NCOA6: variants seen among roughly 807,000 people sequenced by gnomAD.
NCOA6 encodes NRC RAP250.
In NCOA6, 49 loss-of-function variants were observed where a neutral mutation model predicts 171.4. The ratio of observed to expected loss-of-function variants is 0.29; its 90% CI spans 0.23 to 0.36. The LOEUF (loss-of-function observed/expected upper bound fraction) is 0.36, where lower values mean the gene tolerates loss of function less well. NCOA6 is among the 10% of genes least tolerant of loss of function. NCOA6 has a pLI of 1.00. For missense variants in NCOA6, 2,248 were observed against 2,554.5 expected (o/e 0.88, Z 2.59); for synonymous variants, 910 against 927.5 (o/e 0.98, Z 0.34).
rs986541002 is a variant in NCOA6, at chr20:34,725,050, A to T, written c.6148+2209T>A. Among the ~76,000 whole-genome samples, 28 of 152,212 alleles carry T rather than the reference A, an allele frequency of 1.8e-4. No individual in the cohort carries two copies. The East Asian group carries it at 5.2e-3, about 28-fold the overall frequency. On this transcript the variant is annotated intron_variant, in intron 14 of 14. Coordinates refer to ENST00000359003, the MANE Select transcript of NCOA6 (RefSeq NM_014071.5). ...GTGATTTACCTGCCTCGGCCTCCCA[A>T]AGTGCTGGGATTACAGGCGTGAGCC...
chr20:34,747,822 G>A (rs2076352820), intron 9 of NCOA6, among the ~76,000 whole-genome samples: 2 of 152,134 alleles, frequency 1.3e-5, no homozygotes, highest in African/African-American at 4.8e-5. Context: ...CTCCTTGTAA[G>A]ACTTCTCTCT....
At chr20:34,790,899 C>A (rs2077859399) in intron 2 of NCOA6, among the ~76,000 whole-genome samples, 1 of 152,164 alleles carries the variant, frequency 6.6e-6, no homozygotes. Flanking sequence ...GATACACCCG[C>A]CTCAGCCTCC....
At chr20:34,736,409 A>C (rs1028777109) in intron 12 of NCOA6, among the ~76,000 whole-genome samples, 5 of 152,064 alleles carry the variant, frequency 3.3e-5, no homozygotes, top group Non-Finnish European at 7.4e-5. Context: ...TGCAACAGAA[A>C]CCCATGGCTG....
intron 13 of NCOA6, among the ~76,000 whole-genome samples, chr20:34,728,182 C>A (rs538943148): frequency 6.6e-6 from 1 of 152,252 alleles, no homozygotes; most frequent in African/African-American, 2.4e-5. Flanking sequence ...CATATATTGG[C>A]ATTTACTAAT....
rs1202207218 is a variant in NCOA6, at chr20:34,740,539, G to C, written c.5717C>G (p.Pro1906Arg). The C allele has an allele frequency of 1.2e-6, 2 of 1,614,200 alleles. No homozygotes were observed. The highest frequency in any genetic ancestry group is 2.2e-5 in the East Asian group (1 of 44,882). Residue 1906 changes from proline (P) to arginine (R), a missense_variant, in exon 11 of 15, where the codon CCT (proline) becomes CGT (arginine). Around this residue, in one of 7 missense-constraint regions of NCOA6, gnomAD observed 884 missense variants for 941.9 expected, o/e 0.94. Transcript: ENST00000359003. ...PGTASAGPSLPGGALPTSVRS... is the reference protein window; with the variant it reads ...PGTASAGPSLRGGALPTSVRS... ...TACACTGGTGGGGAGAGCACCGCCA[G>C]GTAAGCTGGGTCCTGCTGAGGCAGT...
chr20:34,748,310 A>G (rs1033625183), intron 9 of NCOA6, among the ~76,000 whole-genome samples: 1 of 152,254 alleles, frequency 6.6e-6, no homozygotes, highest in African/African-American at 2.4e-5. Context: ...ATAGGTTATC[A>G]TTAATAATAC....
At chr20:34,731,652 A>G (rs2075782991) in intron 13 of NCOA6, among the ~76,000 whole-genome samples, 1 of 152,216 alleles carries the variant, frequency 6.6e-6, no homozygotes, top group Admixed American at 6.5e-5. Context: ...AGATTAAATG[A>G]AAAAAATATT....
At chr20:34,718,709 T>C (rs887218857) in intron 14 of NCOA6, among the ~76,000 whole-genome samples, 3 of 152,210 alleles carry the variant, frequency 2.0e-5, no homozygotes, top group Admixed American at 6.5e-5. Flanking sequence ...TTTGGCCATG[T>C]TGGCCAGGCT....
At position 34,749,613 on chromosome 20, in the gene NCOA6, G is replaced by A; in HGVS notation, c.2582C>T (p.Pro861Leu). Residue 861 changes from proline to leucine, a missense_variant, in exon 9 of 15, where the codon CCC (proline) becomes CTC (leucine). Physicochemically the swap from Pro to Leu is moderately conservative, Grantham distance 98. This residue lies in a region of NCOA6 where 987 missense variants were observed against 1,104.7 expected (regional missense o/e 0.89). Coordinates refer to ENST00000359003, the MANE Select transcript of NCOA6 (RefSeq NM_014071.5). ...MSFNAPFSGA[P>L]NGNQMSCGQN... is the part of the protein sequence containing the mutation. ...ACCACAGGACATCTGATTTCCATTG[G>A]GAGCTCCACTGAAAGGTGCATTGAA... The A allele has an allele frequency of 6.2e-7, 1 of 1,614,148 alleles. No individual in the cohort carries two copies. Among genetic ancestry groups the A allele is most frequent in the Admixed American group, 1.7e-5 (1 of 60,024 alleles).
intron 4 of NCOA6, among the ~76,000 whole-genome samples, chr20:34,772,982 T>A (rs2180276): frequency 0.35 from 52,784 of 152,020 alleles, 9,537 homozygotes; most frequent in Middle Eastern, 0.42. Flanking sequence ...ATTTACCAAC[T>A]GCATATATGC....
intron 11 of NCOA6, among the ~76,000 whole-genome samples, chr20:34,738,126 C>T (rs1369111411): frequency 6.6e-6 from 1 of 152,164 alleles, no homozygotes; most frequent in African/African-American, 2.4e-5. Context: ...TGGTCTCAAA[C>T]TCCTGGGCTC....
chr20:34,745,226 G>C (rs2076268798), intron 10 of NCOA6, among the ~76,000 whole-genome samples: 1 of 152,232 alleles, frequency 6.6e-6, no homozygotes, highest in Non-Finnish European at 1.5e-5. Context: ...CTGCAGAGCA[G>C]ATGCCCTATT....
intron 13 of NCOA6, among the ~76,000 whole-genome samples, chr20:34,729,283 G>A (rs1990330539): frequency 6.6e-6 from 1 of 152,134 alleles, no homozygotes; most frequent in Middle Eastern, 3.2e-3. Flanking sequence ...ATATATTTGG[G>A]TGCACACTGT....
intron 1 of NCOA6, among the ~76,000 whole-genome samples, chr20:34,802,196 G>T (rs2078277054): frequency 6.6e-6 from 1 of 152,236 alleles, no homozygotes; most frequent in African/African-American, 2.4e-5. Flanking sequence ...GCTGGGTGCG[G>T]TGGCTCACGC....
Position 34,749,984 on chromosome 20 carries a change from C to A in NCOA6, c.2211G>T (p.Met737Ile), listed in dbSNP as rs1334365303. 2.5e-6 allele frequency: 4 copies of A among 1,614,112 alleles called. No individual in the cohort carries two copies. In the South Asian group the frequency reaches 4.4e-5, roughly 18 times the overall value. ...CCCTCATTATCTGGGCTGGTCCCGG[C>A]ATGACATTGGACTGGTTCTGAGTGT... is the stretch of plus-strand genomic sequence containing the variant. The part of the protein sequence containing the change: ...QFNTQNQSNV[M>I]PGPAQIMRGP... The change falls in exon 9 of 15, where the codon ATG (methionine) becomes ATT (isoleucine). Residue 737 changes from methionine (M) to isoleucine (I), a missense_variant. Met to Ile is a conservative substitution (Grantham distance 10). Transcript: ENST00000359003.
chr20:34,811,234 T>TATATATATATATATACATAC (rs1344933526), intron 1 of NCOA6, among the ~76,000 whole-genome samples: 1 of 119,960 alleles, frequency 8.3e-6, no homozygotes, highest in Non-Finnish European at 1.8e-5. Context: ...TATATATATA[T>TATATATATATATATACATAC]ATGCTTTCAA....
At chr20:34,817,409 C>G (rs2078877428) in intron 1 of NCOA6, among the ~76,000 whole-genome samples, 1 of 151,772 alleles carries the variant, frequency 6.6e-6, no homozygotes, top group South Asian at 2.1e-4. Flanking sequence ...ACATAGAATA[C>G]ACAATTCATC....
At chr20:34,730,075 G>GT (rs11167243) in intron 13 of NCOA6, among the ~76,000 whole-genome samples, 6 of 148,650 alleles carry the variant, frequency 4.0e-5, no homozygotes, top group African/African-American at 5.0e-5. Context: ...AAAAATTTTT[G>GT]TTTTTTTTTT....
Position 34,757,613 on chromosome 20 carries a change from C to T in NCOA6, c.1135G>A (p.Gly379Ser), listed in dbSNP as rs1313824285. ...TGGGCTTGTGAGGCTTGCTGGCTGCCAAAGGGATATGGAGGGGGAGGGTGG... is the reference window on the plus strand; with the variant it reads ...TGGGCTTGTGAGGCTTGCTGGCTGCTAAAGGGATATGGAGGGGGAGGGTGG... ...PSHPPPPYPF[G>S]SQQASQAHTN... The change falls in exon 7 of 15, where the codon GGC becomes AGC. Residue 379 changes from glycine to serine, a missense_variant. Gly to Ser is a moderately conservative substitution (Grantham distance 56, BLOSUM62 0). This residue lies in a region of NCOA6 where 987 missense variants were observed against 1,104.7 expected (regional missense o/e 0.89). Transcript: ENST00000359003. 1 of 1,613,390 alleles carries T rather than the reference C, an allele frequency of 6.2e-7. No homozygotes were observed. The highest frequency in any genetic ancestry group is 1.3e-5 in the African/African-American group (1 of 74,808).
Sources: gnomAD v4.1 joint callset for allele counts (sites outside exome capture counted in the v4.1 genomes callset) on GRCh38, gnomAD v4.1.1 for gene constraint, gnomAD v4.1.1 regional missense constraint, MANE v1.5 for transcripts, NCBI Gene and HGNC (gene_info 2026-07-23, HGNC 2026-07-21) for gene names.